Variants in VEPH1 observed in about 807,000 individuals in gnomAD.
VEPH1 encodes ventricular zone-expressed PH domain-containing protein homolog 1.
Under a neutral mutation model 85.2 loss-of-function variants are expected in VEPH1, and 80 were observed. The ratio of observed to expected loss-of-function variants is 0.94; its 90% CI spans 0.78 to 1.13. VEPH1 has a LOEUF of 1.13. Among genes scored for constraint, VEPH1 ranks in the 50% most tolerant of loss-of-function variants. VEPH1 has a pLI of 0.00. For synonymous variants in VEPH1, 297 were observed against 348.0 expected (o/e 0.85, Z 1.63); for missense variants, 955 against 980.5 (o/e 0.97, Z 0.35).
intron 9 of VEPH1, among the ~76,000 whole-genome samples, chr3:157,347,318 G>GA (rs143369712): frequency 2.6e-5 from 4 of 152,132 alleles, no homozygotes; most frequent in South Asian, 4.1e-4. Flanking sequence ...ATTTCCTGGG[G>GA]AAAAAACTCA....
intron 1 of VEPH1, among the ~76,000 whole-genome samples, chr3:157,498,870 G>A (rs1405628210): frequency 6.6e-6 from 1 of 152,130 alleles, no homozygotes. Context: ...CTGTGTGCAC[G>A]TGTACATATA....
intron 6 of VEPH1, among the ~76,000 whole-genome samples, chr3:157,398,775 C>T (rs954056014): frequency 2.6e-5 from 4 of 151,838 alleles, no homozygotes; most frequent in Non-Finnish European, 5.9e-5. Flanking sequence ...TGATACCTCA[C>T]GCACCACTAG....
intron 3 of VEPH1, among the ~76,000 whole-genome samples, chr3:157,467,036 G>T (rs1162187671): frequency 6.6e-6 from 1 of 152,108 alleles, no homozygotes; most frequent in Non-Finnish European, 1.5e-5. Flanking sequence ...CCAACTAAAA[G>T]AGGAAAAGGA....
chr3:157,463,109 G>C (rs570692220), intron 3 of VEPH1, among the ~76,000 whole-genome samples: 2 of 152,318 alleles, frequency 1.3e-5, no homozygotes, highest in African/African-American at 4.8e-5. Flanking sequence ...GGCTGTGCCT[G>C]AGGCCAGTTA....
chr3:157,416,844 AAAAG>A (rs1731950936), intron 5 of VEPH1, among the ~76,000 whole-genome samples: 2 of 151,480 alleles, frequency 1.3e-5, no homozygotes. Flanking sequence ...ATAAAGAAAG[AAAAG>A]AAAGAGAGAA....
At chr3:157,356,383 C>A (rs1312526273) in intron 9 of VEPH1, among the ~76,000 whole-genome samples, 3 of 151,848 alleles carry the variant, frequency 2.0e-5, no homozygotes, top group Non-Finnish European at 2.9e-5. Flanking sequence ...GACTCATCTG[C>A]TGTAAATATG....
In VEPH1 at chr3:157,450,048, C is replaced by CTTTTTTTTTTTT. The variant is rs761761440; in HGVS notation, c.529+10121_529+10132dup. Among the ~76,000 whole-genome samples the CTTTTTTTTTTTT allele has an allele frequency of 5.0e-4, 39 of 77,320 alleles. 2 individuals carry two copies. The highest frequency in any genetic ancestry group is 1.8e-3 in the African/African-American group (38 of 20,950). 50.7% of individuals were successfully genotyped at this position (77,320 alleles called of 152,430 possible). On this transcript the variant is annotated intron_variant, in intron 4 of 13. Transcript: ENST00000362010. Reference sequence around the variant, plus strand: ...CTTAAAATTGACTGGAGAATATTTACTTTTTTTTTTTTTTTTTTTTTTTTT... The same window carrying CTTTTTTTTTTTT: ...CTTAAAATTGACTGGAGAATATTTACTTTTTTTTTTTTTTTTTTTTTTTTTTTTTTTTTTTTT...
At chr3:157,462,503 G>A (rs1173981616) in intron 3 of VEPH1, among the ~76,000 whole-genome samples, 1 of 152,172 alleles carries the variant, frequency 6.6e-6, no homozygotes, top group African/African-American at 2.4e-5. Flanking sequence ...ACAGTGTCAG[G>A]AAGATGACTT....
At chr3:157,441,762 A>G (rs1734137955) in intron 4 of VEPH1, among the ~76,000 whole-genome samples, 1 of 151,640 alleles carries the variant, frequency 6.6e-6, no homozygotes, top group South Asian at 2.1e-4. Context: ...GTGAGTCGAG[A>G]TCGCACTACT....
At chr3:157,487,762 A>C (rs951090843) in intron 2 of VEPH1, among the ~76,000 whole-genome samples, 3 of 152,158 alleles carry the variant, frequency 2.0e-5, no homozygotes, top group Non-Finnish European at 4.4e-5. Context: ...TATTTGAAAA[A>C]TCTATTACTG....
rs150574359 is a variant in VEPH1, at chr3:157,482,977, T to C, written c.138+12235A>G. ...CTTCACAAACATTTTCATGTGTGGTTGATATTTTTATACATTTATTCCACA... is the reference window on the plus strand; with the variant it reads ...CTTCACAAACATTTTCATGTGTGGTCGATATTTTTATACATTTATTCCACA... On this transcript the variant is annotated intron_variant, in intron 2 of 13. Coordinates refer to ENST00000362010, the MANE Select transcript of VEPH1 (RefSeq NM_001167912.2). 2.0e-5 allele frequency among the ~76,000 whole-genome samples: 3 copies of C among 152,276 alleles called. No homozygotes were observed. The East Asian group carries it at 5.8e-4, about 29-fold the overall frequency.
chr3:157,426,681 A>G (rs893212570), intron 5 of VEPH1, among the ~76,000 whole-genome samples: 2 of 152,214 alleles, frequency 1.3e-5, no homozygotes, highest in African/African-American at 4.8e-5. Context: ...TAATTCACAA[A>G]TAAAGTTAAG....
chr3:157,408,155 G>T (rs924906166), intron 6 of VEPH1, among the ~76,000 whole-genome samples: 9 of 152,124 alleles, frequency 5.9e-5, no homozygotes, highest in Non-Finnish European at 1.2e-4. Flanking sequence ...GCCTGCTGAG[G>T]CCTCGTATAT....
chr3:157,358,557 G>A (rs867825627), intron 9 of VEPH1, among the ~76,000 whole-genome samples: 12 of 152,100 alleles, frequency 7.9e-5, no homozygotes, highest in South Asian at 2.1e-4. Flanking sequence ...GTGGATGGGC[G>A]TAATCAACAT....
chr3:157,429,494 G>C (rs1005833804), intron 4 of VEPH1, among the ~76,000 whole-genome samples: 4 of 152,024 alleles, frequency 2.6e-5, no homozygotes, highest in African/African-American at 9.7e-5. Flanking sequence ...GCGTGATTCT[G>C]GATAAAACTG....
At chr3:157,357,785 A>G (rs1381634167) in intron 9 of VEPH1, among the ~76,000 whole-genome samples, 1 of 152,216 alleles carries the variant, frequency 6.6e-6, no homozygotes, top group Non-Finnish European at 1.5e-5. Context: ...GGCATGAGCC[A>G]CTGCATCCGG....
intron 11 of VEPH1, among the ~76,000 whole-genome samples, chr3:157,306,233 C>A (rs954185531): frequency 6.6e-6 from 1 of 152,106 alleles, no homozygotes; most frequent in Non-Finnish European, 1.5e-5. Flanking sequence ...TCCCCGGTAA[C>A]ATTTTCCTCC....
At chr3:157,337,450 T>G (rs942863444) in intron 9 of VEPH1, among the ~76,000 whole-genome samples, 2 of 152,132 alleles carry the variant, frequency 1.3e-5, no homozygotes, top group Non-Finnish European at 2.9e-5. Context: ...AAACCTAAAT[T>G]TTCACCATCA....
At chr3:157,462,043 T>TTA (rs1319106903) in intron 3 of VEPH1, among the ~76,000 whole-genome samples, 4 of 148,138 alleles carry the variant, frequency 2.7e-5, no homozygotes, top group Non-Finnish European at 4.5e-5. Context: ...TAAATGTATT[T>TTA]TATATATATA....
Sources: gnomAD v4.1 joint callset for allele counts (sites outside exome capture counted in the v4.1 genomes callset) on GRCh38, gnomAD v4.1.1 for gene constraint, MANE v1.5 for transcripts, NCBI Gene and HGNC (gene_info 2026-07-23, HGNC 2026-07-21) for gene names.